The following TIAM2 variants were observed in gnomAD, a reference collection of about 807,000 sequenced individuals.
The protein encoded by TIAM2 is rho guanine nucleotide exchange factor TIAM2.
In TIAM2, 80 loss-of-function variants were observed where a neutral mutation model predicts 152.9. The ratio of observed to expected loss-of-function variants is 0.52; its 90% confidence interval spans 0.44 to 0.63. The LOEUF (loss-of-function observed/expected upper bound fraction) is 0.63, where lower values mean the gene tolerates loss of function less well. Ranked by LOEUF, TIAM2 falls within the 30% of genes least tolerant of loss-of-function variation. The pLI is 0.00. For missense variants in TIAM2, 1,965 were observed against 2,120.1 expected, an observed-to-expected ratio of 0.93 and a Z score of 1.44; for synonymous variants, 804 against 838.0, an observed-to-expected ratio of 0.96 and a Z score of 0.70.
At chr6:155,250,677 A>G in intron 21 of TIAM2, 2 of 1,480,896 alleles carry the variant, frequency 1.4e-6, no homozygotes, top group Non-Finnish European at 9.1e-7. Context: ...TCTCACCTAC[A>G]TGTGCGTGCA....
intron 1 of TIAM2, among the ~76,000 whole-genome samples, chr6:155,055,926 C>A (rs139405749): frequency 1.1e-3 from 164 of 151,346 alleles, no homozygotes; most frequent in African/African-American, 3.7e-3. Flanking sequence ...CACGCCACTG[C>A]ACCCCAGCCT....
rs138307229 is a variant in TIAM2 at position 155,140,381 on chromosome 6, A to G, written c.1630+2769A>G. Among the ~76,000 whole-genome samples the G allele has an allele frequency of 4.2e-3, 639 of 152,206 alleles. 2 individuals are homozygous for G. Among genetic ancestry groups the G allele is most frequent in the African/African-American group, 0.015 (604 of 41,514 alleles). On this transcript the variant is annotated intron_variant, in intron 5 of 26. Transcript: ENST00000682666. ...TAGTCACATGATGTGAATACTTAGAATGGATGCACGTTACCCCATCATTTG... is the reference window on the plus strand; with the variant it reads ...TAGTCACATGATGTGAATACTTAGAGTGGATGCACGTTACCCCATCATTTG...
At chr6:155,048,066 C>T (rs1409421504) in intron 1 of TIAM2, among the ~76,000 whole-genome samples, 1 of 152,120 alleles carries the variant, frequency 6.6e-6, no homozygotes, top group Admixed American at 6.5e-5. Flanking sequence ...GATTCTCCTG[C>T]CTCAGCCTCG....
chr6:155,139,349 C>T (rs539175828), intron 5 of TIAM2, among the ~76,000 whole-genome samples: 4 of 152,158 alleles, frequency 2.6e-5, no homozygotes, highest in East Asian at 3.9e-4. Flanking sequence ...CCTAGCAGGC[C>T]GGCGGGTGTA....
At chr6:155,050,023 C>A (rs185441799) in intron 1 of TIAM2, among the ~76,000 whole-genome samples, 42 of 152,298 alleles carry the variant, frequency 2.8e-4, no homozygotes, top group Admixed American at 2.5e-3. Context: ...GAGGCTGAAA[C>A]TAAAATTCTC....
intron 15 of TIAM2, among the ~76,000 whole-genome samples, chr6:155,226,731 AT>A (rs776327723): frequency 1.3e-5 from 2 of 152,234 alleles, no homozygotes; most frequent in Non-Finnish European, 1.5e-5. Context: ...GCTTAAAAAA[AT>A]CTTTAAGAAC....
At chr6:155,004,225 A>C (rs1238880457) in intron 1 of TIAM2, among the ~76,000 whole-genome samples, 9 of 152,108 alleles carry the variant, frequency 5.9e-5, no homozygotes, top group Non-Finnish European at 1.5e-5. Flanking sequence ...CTGCAAGACA[A>C]GATGTTTGAT....
intron 7 of TIAM2, 79 bp downstream of exon 7, chr6:155,148,413 G>A (rs1779868548): frequency 7.3e-7 from 1 of 1,378,878 alleles, no homozygotes; most frequent in South Asian, 1.3e-5. Flanking sequence ...TGTCATCTTG[G>A]TGGTATTTCT....
intron 9 of TIAM2, among the ~76,000 whole-genome samples, chr6:155,171,050 C>A (rs192822458): frequency 6.6e-6 from 1 of 152,270 alleles, no homozygotes; most frequent in African/African-American, 2.4e-5. Context: ...GCTAATCATT[C>A]TTGGAGAATA....
intron 14 of TIAM2, among the ~76,000 whole-genome samples, chr6:155,207,456 G>C (rs1025046257): frequency 1.3e-5 from 2 of 152,228 alleles, no homozygotes; most frequent in Non-Finnish European, 2.9e-5. Flanking sequence ...CAGGGACTCT[G>C]TATGCACAGA....
At chr6:155,087,411 A>G (rs753255762) in intron 1 of TIAM2, among the ~76,000 whole-genome samples, 2 of 152,216 alleles carry the variant, frequency 1.3e-5, no homozygotes, top group Admixed American at 1.3e-4. Context: ...ATTTAGACAG[A>G]GCCTAGTGAA....
chr6:155,086,772 T>G (rs2114974128), intron 1 of TIAM2, among the ~76,000 whole-genome samples: 1 of 150,658 alleles, frequency 6.6e-6, no homozygotes, highest in Admixed American at 6.6e-5. Context: ...TGCAGCTTCC[T>G]CTTTAACTCA....
At chr6:155,054,722 T>A (rs1338144597) in intron 1 of TIAM2, among the ~76,000 whole-genome samples, 2 of 152,086 alleles carry the variant, frequency 1.3e-5, no homozygotes, top group Non-Finnish European at 2.9e-5. Context: ...TACAGAGTTT[T>A]AAAAACTACA....
At chr6:155,144,076 T>C (rs539767170) in intron 5 of TIAM2, among the ~76,000 whole-genome samples, 74 of 152,322 alleles carry the variant, frequency 4.9e-4, no homozygotes, top group African/African-American at 1.6e-3. Flanking sequence ...GCAGGTGGAT[T>C]ACCATGCTCT....
chr6:155,157,129 G>GA (rs1780139456), intron 7 of TIAM2, among the ~76,000 whole-genome samples: 1 of 152,174 alleles, frequency 6.6e-6, no homozygotes, highest in African/African-American at 2.4e-5. Flanking sequence ...TTGAGTTAGT[G>GA]AATGTGTGGA....
In TIAM2 at chr6:155,110,993, A is replaced by G. The variant is rs543574703; in HGVS notation, c.-117-16497A>G. On this transcript the variant is annotated intron_variant, in intron 2 of 26. Transcript: ENST00000682666. The stretch of plus-strand genomic sequence containing the variant: ...CCATCTCTATAGTCGCAGAATTGCT[A>G]GAGTCGGATTTCTAAAATGGAGATG... Among the ~76,000 whole-genome samples, 90 of 152,272 alleles carry G rather than the reference A, an allele frequency of 5.9e-4. 2 individuals carry two copies. Among genetic ancestry groups the G allele is most frequent in the Non-Finnish European group, 4.0e-4 (27 of 68,012 alleles).
intron 14 of TIAM2, among the ~76,000 whole-genome samples, chr6:155,203,991 T>C (rs1390530527): frequency 1.3e-5 from 2 of 152,166 alleles, no homozygotes; most frequent in East Asian, 3.9e-4. Flanking sequence ...TTTTGGAAGT[T>C]TGTGTTTCTG....
At position 155,035,344 on chromosome 6, in the gene TIAM2, C is replaced by T. The variant is rs550780306; in HGVS notation, c.-209+39852C>T. On this transcript the variant is annotated intron_variant, in intron 1 of 26. Coordinates refer to ENST00000682666, the MANE Select transcript of TIAM2 (RefSeq NM_012454.4). ...TCAAGCGATCCTCCTGCCTCAGCTT[C>T]CCGAGTAGCTGGGACTACAGGTGTG... 1.3e-4 allele frequency among the ~76,000 whole-genome samples: 20 copies of T among 151,954 alleles called. No homozygotes were observed. The South Asian group carries it at 2.1e-3, about 16-fold the overall frequency.
At chr6:155,016,950 A>G (rs1214539882) in intron 1 of TIAM2, among the ~76,000 whole-genome samples, 1 of 152,192 alleles carries the variant, frequency 6.6e-6, no homozygotes, top group Non-Finnish European at 1.5e-5. Context: ...CTTGGGAGGC[A>G]GGGATATCAC....
Sources: allele counts gnomAD v4.1 joint callset (sites outside exome capture counted in the v4.1 genomes callset), GRCh38; gene constraint gnomAD v4.1.1; transcripts MANE v1.5; gene names NCBI Gene and HGNC (gene_info 2026-07-23, HGNC 2026-07-21).